The following SSBP2 variants were observed in gnomAD, a reference collection of about 807,000 sequenced individuals.
The protein encoded by SSBP2 is single-stranded DNA-binding protein 2.
In SSBP2, 17 loss-of-function variants were observed where a neutral mutation model predicts 61.8. The ratio of observed to expected loss-of-function variants is 0.28; its 90% CI spans 0.19 to 0.41. The LOEUF (loss-of-function observed/expected upper bound fraction) is 0.41, where lower values mean the gene tolerates loss of function less well. Ranked by LOEUF, SSBP2 falls within the 10% of genes least tolerant of loss-of-function variation. The pLI is 1.00. For missense variants in SSBP2, 310 were observed against 458.7 expected (o/e 0.68, Z 2.96); for synonymous variants, 139 against 141.3 (o/e 0.98, Z 0.12).
intron 4 of SSBP2, among the ~76,000 whole-genome samples, chr5:81,593,284 T>A (rs922377290): frequency 6.6e-6 from 1 of 151,684 alleles, no homozygotes; most frequent in Non-Finnish European, 1.5e-5. Flanking sequence ...GAAGAGAAGT[T>A]TAGAGAAAAA....
intron 1 of SSBP2, among the ~76,000 whole-genome samples, chr5:81,679,572 TA>T (rs1752236085): frequency 6.6e-6 from 1 of 152,134 alleles, no homozygotes. Context: ...GAGCAAACAC[TA>T]TAAAAGTTTT....
upstream of SSBP2, chr5:81,751,274 C>T: frequency 1.7e-6 from 1 of 581,954 alleles, no homozygotes; most frequent in Admixed American, 3.0e-5. Flanking sequence ...TCTCCTCCCT[C>T]CTTCCCTCCC....
intron 16 of SSBP2, among the ~76,000 whole-genome samples, chr5:81,424,604 C>T (rs1263111474): frequency 6.6e-6 from 1 of 152,126 alleles, no homozygotes. Flanking sequence ...GCTATTTACA[C>T]TCCTGAGGCT....
At chr5:81,438,891 T>C (rs1158846899) in intron 14 of SSBP2, among the ~76,000 whole-genome samples, 2 of 152,222 alleles carry the variant, frequency 1.3e-5, no homozygotes, top group Non-Finnish European at 2.9e-5. Context: ...AGGTAGTCAT[T>C]AGCTACAAGT....
intron 4 of SSBP2, among the ~76,000 whole-genome samples, chr5:81,592,633 T>C (rs1775620601): frequency 6.6e-6 from 1 of 152,164 alleles, no homozygotes; most frequent in South Asian, 2.1e-4. Flanking sequence ...GATACTCCTC[T>C]GAGACAAAAC....
intron 1 of SSBP2, among the ~76,000 whole-genome samples, chr5:81,660,735 T>C (rs1195178275): frequency 6.6e-6 from 1 of 152,144 alleles, no homozygotes; most frequent in Non-Finnish European, 1.5e-5. Flanking sequence ...CTGCTTACAA[T>C]AGCAAAGACC....
intron 5 of SSBP2, among the ~76,000 whole-genome samples, chr5:81,507,246 C>T (rs1055180054): frequency 2.6e-5 from 4 of 152,152 alleles, no homozygotes; most frequent in African/African-American, 9.7e-5. Flanking sequence ...TCTACTATAT[C>T]AGAGTTTCAT....
At chr5:81,458,352 T>C (rs1468061527) in intron 10 of SSBP2, among the ~76,000 whole-genome samples, 1 of 152,230 alleles carries the variant, frequency 6.6e-6, no homozygotes, top group African/African-American at 2.4e-5. Flanking sequence ...GTTAGTTTTT[T>C]AGGAAATATA....
In SSBP2 at chr5:81,751,085, C is replaced by T; in HGVS notation, c.-43G>A. On this transcript the variant is annotated 5_prime_UTR_variant, in exon 1 of 17. Coordinates refer to ENST00000320672, the MANE Select transcript of SSBP2 (RefSeq NM_012446.5). ...CTCCCACTGTCACGCACCTGTCAAC[C>T]CATCACAGCCTCCCCGGGAACAGCC... is the stretch of plus-strand genomic sequence containing the variant. 2 of 1,556,064 alleles carry T rather than the reference C, an allele frequency of 1.3e-6. No homozygotes were observed. Among genetic ancestry groups the T allele is most frequent in the South Asian group, 1.2e-5 (1 of 84,668 alleles).
At chr5:81,736,158 A>G (rs1235932263) in intron 1 of SSBP2, among the ~76,000 whole-genome samples, 1 of 120,016 alleles carries the variant, frequency 8.3e-6, no homozygotes, top group Non-Finnish European at 1.7e-5. Context: ...ACACACACAC[A>G]CACACACACA....
intron 1 of SSBP2, among the ~76,000 whole-genome samples, chr5:81,689,536 C>A (rs1233406596): frequency 6.6e-6 from 1 of 151,554 alleles, no homozygotes; most frequent in African/African-American, 2.4e-5. Flanking sequence ...TCAGCTGAAA[C>A]CTTACAGGCC....
chr5:81,453,520 G>C (rs2153984187), intron 10 of SSBP2, among the ~76,000 whole-genome samples: 1 of 146,734 alleles, frequency 6.8e-6, no homozygotes, highest in Admixed American at 6.9e-5. Context: ...GCAGGGGCGT[G>C]ATCTCGGCTC....
At chr5:81,542,512 G>A (rs1561521026) in intron 4 of SSBP2, among the ~76,000 whole-genome samples, 1 of 152,058 alleles carries the variant, frequency 6.6e-6, no homozygotes, top group Non-Finnish European at 1.5e-5. Context: ...CAACCTAGAT[G>A]TCAATCAACA....
chr5:81,494,839 T>C (rs989872239), intron 5 of SSBP2, among the ~76,000 whole-genome samples: 1 of 152,098 alleles, frequency 6.6e-6, no homozygotes, highest in Admixed American at 6.5e-5. Context: ...AATACTCTAA[T>C]AGAAACGCAA....
intron 3 of SSBP2, among the ~76,000 whole-genome samples, chr5:81,616,741 G>A (rs9765158): frequency 0.17 from 25,115 of 149,006 alleles, 2,185 homozygotes; most frequent in Non-Finnish European, 0.2. Context: ...CTCCCAGCAC[G>A]CAGCTGGAGA....
intron 1 of SSBP2, among the ~76,000 whole-genome samples, chr5:81,689,546 C>A (rs1422714512): frequency 6.6e-6 from 1 of 150,940 alleles, no homozygotes; most frequent in Non-Finnish European, 1.5e-5. Flanking sequence ...CCTTACAGGC[C>A]AGGAGAGAGT....
chr5:81,598,588 C>T (rs752540772), intron 4 of SSBP2, among the ~76,000 whole-genome samples: 1 of 152,136 alleles, frequency 6.6e-6, no homozygotes, highest in Non-Finnish European at 1.5e-5. Context: ...AGTTTTGCTT[C>T]CTCCAACCCA....
Position 81,424,227 on chromosome 5 carries a change from C to T in SSBP2, c.1057-3694G>A, listed in dbSNP as rs139012779. Among the ~76,000 whole-genome samples the T allele has an allele frequency of 8.7e-3, 1,319 of 152,046 alleles. 21 individuals carry two copies. The highest frequency in any genetic ancestry group is 0.029 in the African/African-American group (1,222 of 41,464). ...GATCCTGAGGTCAGGAGTTCGAGAC[C>T]AGCCTGACCAACATGGTGAAACCCC... On this transcript the variant is annotated intron_variant, in intron 16 of 16. Transcript: ENST00000320672.
At chr5:81,669,851 A>C (rs1751459995) in intron 1 of SSBP2, among the ~76,000 whole-genome samples, 1 of 152,134 alleles carries the variant, frequency 6.6e-6, no homozygotes, top group Non-Finnish European at 1.5e-5. Flanking sequence ...TGAGCTATCA[A>C]GGTATGAAAA....
Sources: allele counts gnomAD v4.1 joint callset (sites outside exome capture counted in the v4.1 genomes callset), GRCh38; gene constraint gnomAD v4.1.1; transcripts MANE v1.5; gene names NCBI Gene and HGNC (gene_info 2026-07-23, HGNC 2026-07-21).